The following NRAP variants were observed in gnomAD, a reference collection of about 807,000 sequenced individuals.
The protein encoded by NRAP is nebulin related anchoring protein.
In NRAP, 189 loss-of-function variants were observed where a neutral mutation model predicts 225.9. The ratio of observed to expected loss-of-function variants is 0.84; its 90% CI spans 0.74 to 0.94. The LOEUF (loss-of-function observed/expected upper bound fraction) is 0.94. Among genes scored for constraint, NRAP ranks in the 40% least tolerant of loss-of-function variants. The probability of loss-of-function intolerance (pLI) is 0.00; values close to 1 mark genes in which losing one functional copy is unlikely to be tolerated. For synonymous variants in NRAP, 769 were observed against 790.7 expected, an observed-to-expected ratio of 0.97 and a Z score of 0.46; for missense variants, 2,176 against 2,168.7, an observed-to-expected ratio of 1.00 and a Z score of -0.07.
chr10:113,643,870 A>C (rs895354458), intron 11 of NRAP, among the ~76,000 whole-genome samples: 1 of 152,206 alleles, frequency 6.6e-6, no homozygotes, highest in South Asian at 2.1e-4. Flanking sequence ...TTCTAATTCT[A>C]TAAATACATT....
intron 27 of NRAP, among the ~76,000 whole-genome samples, 154 bp downstream of exon 27, chr10:113,615,558 G>A (rs1847603043): frequency 6.6e-6 from 1 of 152,144 alleles, no homozygotes; most frequent in Non-Finnish European, 1.5e-5. Flanking sequence ...TGAAAATGTG[G>A]GGCCCCTTGT....
At chr10:113,633,470 A>G (rs113790387) in intron 15 of NRAP, among the ~76,000 whole-genome samples, 2,350 of 152,292 alleles carry the variant, frequency 0.015, 58 homozygotes, top group African/African-American at 0.053. Flanking sequence ...AGAATATTGA[A>G]CTTTTTAAAA....
At chr10:113,589,633 A>G (rs1412742918) in intron 41 of NRAP, 33 bp downstream of exon 41, 1 of 1,453,618 alleles carries the variant, frequency 6.9e-7, no homozygotes, top group East Asian at 2.5e-5. Flanking sequence ...ATGGCCTTGC[A>G]AGCCAGGGGT....
At chr10:113,608,797 C>A (rs1463679459) in intron 31 of NRAP, among the ~76,000 whole-genome samples, 1 of 152,118 alleles carries the variant, frequency 6.6e-6, no homozygotes, top group South Asian at 2.1e-4. Context: ...GTGGTTTGTT[C>A]CAGATCTTTG....
chr10:113,597,707 G>T (rs1313930048), intron 36 of NRAP, among the ~76,000 whole-genome samples: 1 of 152,146 alleles, frequency 6.6e-6, no homozygotes, highest in Admixed American at 6.5e-5. Context: ...TACAAAGAAT[G>T]GGCCAGTTTA....
At chr10:113,591,748 A>G (rs193272634) in intron 39 of NRAP, among the ~76,000 whole-genome samples, 1 of 152,244 alleles carries the variant, frequency 6.6e-6, no homozygotes, top group African/African-American at 2.4e-5. Flanking sequence ...TAGAAAATCA[A>G]GTTCAGAGAA....
chr10:113,648,102 T>C (rs918734659), intron 9 of NRAP, among the ~76,000 whole-genome samples: 1 of 152,130 alleles, frequency 6.6e-6, no homozygotes, highest in African/African-American at 2.4e-5. Flanking sequence ...ACAGCCCATA[T>C]GGTGCCCTCA....
chr10:113,646,748 A>T (rs1047839418), intron 10 of NRAP, among the ~76,000 whole-genome samples, 175 bp downstream of exon 10: 2 of 152,328 alleles, frequency 1.3e-5, no homozygotes, highest in Middle Eastern at 3.4e-3. Context: ...ATCTCCTTGG[A>T]AGCAGACAAA....
At chr10:113,638,972 C>T (rs72833783) in intron 14 of NRAP, among the ~76,000 whole-genome samples, 14,715 of 151,848 alleles carry the variant, frequency 0.097, 952 homozygotes, top group Middle Eastern at 0.21. Flanking sequence ...AATGGAAGTA[C>T]ATCTTGCACT....
intron 39 of NRAP, among the ~76,000 whole-genome samples, 195 bp from the exon 40 acceptor site, chr10:113,591,084 CATCT>C (rs1401259243): frequency 1.4e-5 from 2 of 138,120 alleles, no homozygotes; most frequent in East Asian, 4.3e-4. Context: ...TCAGTTTCCC[CATCT>C]GATAAAATTG....
chr10:113,651,996 C>T (rs1850005229), intron 6 of NRAP, 89 bp from the exon 7 acceptor site: 1 of 806,786 alleles, frequency 1.2e-6, no homozygotes, highest in Non-Finnish European at 2.2e-6. Flanking sequence ...GCTGCACCAT[C>T]AGGCTACACT....
rs746013517 is a variant in NRAP, at chr10:113,626,116, C to T, written c.2175G>A (p.Leu725=). ...AGCTGTCGGTCACGCTGGTGAACTT[C>T]AGCTCATCGACCCTCTGCCGGTAGT... ...EKNYRQRVDE[L]KFTSVTDSSQ... Residue 725 remains leucine, a synonymous_variant, in exon 21 of 42, where the codon CTG becomes CTA. Coordinates refer to ENST00000359988, the MANE Select transcript of NRAP (RefSeq NM_198060.4). 3.7e-6 allele frequency: 6 copies of T among 1,611,084 alleles called. No individual in the cohort carries two copies. The African/African-American group carries it at 6.7e-5, about 18-fold the overall frequency.
chr10:113,663,777 T>A lies in NRAP; in HGVS notation c.72+34A>T, dbSNP rs143707723. On this transcript the variant is annotated intron_variant, in intron 1 of 41. Coordinates refer to ENST00000359988, the MANE Select transcript of NRAP (RefSeq NM_198060.4). ...GAGAAGGTCAATTTCCTGTGTTTGT[T>A]ATTATTCACAAAAGCCAAGAAATGT... 70 of 1,484,798 alleles carry A rather than the reference T, an allele frequency of 4.7e-5. No homozygotes were observed. In the East Asian group the frequency reaches 1.5e-3, roughly 32 times the overall value. The allele number at this position is 1,484,798 out of a possible 1,614,324, so 92.0% of individuals were successfully genotyped here. A position where few individuals can be genotyped will look rare whatever the true frequency, so the allele number is the denominator to read the frequency against.
intron 37 of NRAP, 94 bp downstream of exon 37, chr10:113,596,992 C>T (rs1225801806): frequency 9.9e-6 from 8 of 807,256 alleles, no homozygotes; most frequent in South Asian, 3.0e-5. Context: ...AAGGTTTGCA[C>T]CCCCATCTGT....
intron 16 of NRAP, 130 bp downstream of exon 16, chr10:113,632,954 C>G: frequency 1.5e-6 from 1 of 660,306 alleles, no homozygotes; most frequent in Non-Finnish European, 2.8e-6. Context: ...TTCAAAGTTA[C>G]AACTTGATGG....
chr10:113,614,576 TA>T (rs1247486789), intron 28 of NRAP, among the ~76,000 whole-genome samples: 5 of 152,312 alleles, frequency 3.3e-5, no homozygotes, highest in Non-Finnish European at 2.9e-5. Context: ...GGACTCTCTT[TA>T]TGAACACCTC....
chr10:113,648,467 C>CTCTCTCTCTCTCTATATATATATA (rs749486311), intron 9 of NRAP, among the ~76,000 whole-genome samples: 2 of 87,388 alleles, frequency 2.3e-5, no homozygotes, highest in African/African-American at 8.9e-5. Context: ...CTCTCTCTCT[C>CTCTCTCTCTCTCTATATATATATA]TATATATATA....
At chr10:113,663,562 A>G in intron 1 of NRAP, 116 bp from the exon 2 acceptor site, 2 of 720,168 alleles carry the variant, frequency 2.8e-6, no homozygotes, top group Admixed American at 2.7e-5. Flanking sequence ...TTTTAAAAAA[A>G]TTAAAATCCA....
chr10:113,614,034 G>C (rs1037665919), intron 29 of NRAP, 149 bp downstream of exon 29: 4 of 643,662 alleles, frequency 6.2e-6, no homozygotes, highest in Non-Finnish European at 1.1e-5. Context: ...GTGTAGCCCA[G>C]AGGGGACAAG....
Sources: allele counts gnomAD v4.1 joint callset (sites outside exome capture counted in the v4.1 genomes callset), GRCh38; gene constraint gnomAD v4.1.1; transcripts MANE v1.5; gene names NCBI Gene and HGNC (gene_info 2026-07-23, HGNC 2026-07-21).